HS3ST4: variants seen among roughly 807,000 people sequenced by gnomAD.
HS3ST4 encodes heparan sulfate glucosamine 3-O-sulfotransferase 4.
In HS3ST4, 17 loss-of-function variants were observed where a neutral mutation model predicts 29.2. That is an observed-to-expected ratio of 0.58 (90% confidence interval 0.40 to 0.87). The LOEUF is 0.87. HS3ST4 is among the 40% of genes least tolerant of loss of function. The pLI, the probability that HS3ST4 is intolerant of heterozygous loss-of-function variation, is 0.00. For missense variants in HS3ST4, 627 were observed against 634.5 expected (o/e 0.99, Z 0.13); for synonymous variants, 314 against 285.7 (o/e 1.10, Z -1.00).
chr16:25,910,108 G>A (rs1278708549), intron 1 of HS3ST4, among the ~76,000 whole-genome samples: 1 of 152,168 alleles, frequency 6.6e-6, no homozygotes, highest in African/African-American at 2.4e-5. Flanking sequence ...ATGTGATTCC[G>A]ACACTTGATT....
intron 1 of HS3ST4, among the ~76,000 whole-genome samples, chr16:25,996,255 C>A (rs1969158317): frequency 6.6e-6 from 1 of 152,148 alleles, no homozygotes; most frequent in Non-Finnish European, 1.5e-5. Flanking sequence ...AATGTGATTT[C>A]TATGTACCCT....
intron 1 of HS3ST4, among the ~76,000 whole-genome samples, chr16:25,823,731 A>C (rs929364175): frequency 1.3e-5 from 2 of 151,718 alleles, no homozygotes; most frequent in South Asian, 4.2e-4. Flanking sequence ...CAGCTAAGTT[A>C]TTTTGTATTT....
At chr16:25,879,907 C>T (rs77326414) in intron 1 of HS3ST4, among the ~76,000 whole-genome samples, 4,464 of 152,154 alleles carry the variant, frequency 0.029, 78 homozygotes, top group South Asian at 0.034. Context: ...GCTTGTGCAG[C>T]GAAACTCCCA....
intron 1 of HS3ST4, among the ~76,000 whole-genome samples, chr16:25,731,625 G>A (rs1966570532): frequency 6.6e-6 from 1 of 152,176 alleles, no homozygotes; most frequent in South Asian, 2.1e-4. Context: ...ACAGGTGTGA[G>A]CCACCACACT....
In HS3ST4 at chr16:25,943,152, C is replaced by A. The variant is rs186697054; in HGVS notation, c.735-192460C>A. Among the ~76,000 whole-genome samples the A allele has an allele frequency of 4.6e-3, 698 of 152,172 alleles. 2 individuals carry two copies. The highest frequency in any genetic ancestry group is 7.7e-3 in the Non-Finnish European group (527 of 68,020). Reference sequence around the variant, plus strand: ...TTATTATTTTATTTTTCTCACCAGCCACATTTTAAATGCTGAGATATTCTT... The same window carrying A: ...TTATTATTTTATTTTTCTCACCAGCAACATTTTAAATGCTGAGATATTCTT... On this transcript the variant is annotated intron_variant, in intron 1 of 1. Coordinates refer to ENST00000331351, the MANE Select transcript of HS3ST4 (RefSeq NM_006040.3).
At chr16:25,917,176 A>G (rs1968301330) in intron 1 of HS3ST4, among the ~76,000 whole-genome samples, 1 of 152,102 alleles carries the variant, frequency 6.6e-6, no homozygotes, top group South Asian at 2.1e-4. Context: ...TAGGGGCTTA[A>G]TAAGTATTCA....
chr16:26,018,832 GAA>G (rs10624019), intron 1 of HS3ST4, among the ~76,000 whole-genome samples: 11 of 136,608 alleles, frequency 8.1e-5, no homozygotes, highest in Admixed American at 3.0e-4. Context: ...CCTCCTCATG[GAA>G]AAAAAAAAAA....
intron 1 of HS3ST4, among the ~76,000 whole-genome samples, chr16:25,830,861 T>A (rs1967289489): frequency 1.3e-5 from 2 of 152,158 alleles, no homozygotes; most frequent in Non-Finnish European, 2.9e-5. Flanking sequence ...TTCTCATTTT[T>A]AATCCGTTCA....
At chr16:25,896,098 G>T (rs1293478629) in intron 1 of HS3ST4, among the ~76,000 whole-genome samples, 1 of 152,090 alleles carries the variant, frequency 6.6e-6, no homozygotes, top group Non-Finnish European at 1.5e-5. Flanking sequence ...TCTTCTTAAC[G>T]ATTCTCCTGG....
intron 1 of HS3ST4, among the ~76,000 whole-genome samples, chr16:26,012,616 TA>T (rs1596644296): frequency 6.6e-6 from 1 of 152,316 alleles, no homozygotes; most frequent in East Asian, 1.9e-4. Context: ...ATGAGACAGT[TA>T]AATGGTGTTT....
intron 1 of HS3ST4, among the ~76,000 whole-genome samples, chr16:26,102,705 G>C (rs1899003840): frequency 6.6e-6 from 1 of 152,114 alleles, no homozygotes; most frequent in Non-Finnish European, 1.5e-5. Context: ...TAGCTTATTT[G>C]CTCATGTTCT....
chr16:25,988,282 G>A (rs1048930556), intron 1 of HS3ST4, among the ~76,000 whole-genome samples: 2 of 152,122 alleles, frequency 1.3e-5, no homozygotes, highest in South Asian at 2.1e-4. Flanking sequence ...AAACATCTCC[G>A]GCTTCCTCCC....
chr16:25,908,976 G>T (rs535800905), intron 1 of HS3ST4, among the ~76,000 whole-genome samples: 1 of 152,148 alleles, frequency 6.6e-6, no homozygotes, highest in Admixed American at 6.5e-5. Context: ...GCTGTGCTGG[G>T]CACACAGCCT....
intron 1 of HS3ST4, among the ~76,000 whole-genome samples, chr16:25,947,661 C>T (rs187710376): frequency 9.2e-5 from 14 of 152,240 alleles, no homozygotes; most frequent in African/African-American, 3.4e-4. Context: ...AAAGCAAGCC[C>T]AGTGTCAGTG....
chr16:25,731,647 G>C (rs1966570676), intron 1 of HS3ST4, among the ~76,000 whole-genome samples: 1 of 152,116 alleles, frequency 6.6e-6, no homozygotes, highest in Non-Finnish European at 1.5e-5. Flanking sequence ...GACCTACAGA[G>C]ACACTCTTAT....
chr16:26,007,454 C>T (rs1335904793), intron 1 of HS3ST4, among the ~76,000 whole-genome samples: 1 of 152,168 alleles, frequency 6.6e-6, no homozygotes. Context: ...GCCTCAGTTT[C>T]CTTATCCATT....
chr16:25,814,188 A>G (rs2141629872), intron 1 of HS3ST4, among the ~76,000 whole-genome samples: 1 of 152,334 alleles, frequency 6.6e-6, no homozygotes, highest in East Asian at 1.9e-4. Flanking sequence ...CATTAAGTTG[A>G]ACACTGAACA....
intron 1 of HS3ST4, among the ~76,000 whole-genome samples, chr16:25,804,382 C>T (rs1966969793): frequency 6.6e-6 from 1 of 152,180 alleles, no homozygotes; most frequent in Non-Finnish European, 1.5e-5. Flanking sequence ...TTCAGCTCTT[C>T]ACCACCTTTA....
Position 26,134,691 on chromosome 16 carries a change from A to G in HS3ST4, c.735-921A>G, listed in dbSNP as rs1898257631. 2.6e-5 allele frequency among the ~76,000 whole-genome samples: 4 copies of G among 152,102 alleles called. No homozygotes were observed. In the South Asian group the frequency reaches 8.3e-4, roughly 32 times the overall value. On this transcript the variant is annotated intron_variant, in intron 1 of 1. Coordinates refer to ENST00000331351, the MANE Select transcript of HS3ST4 (RefSeq NM_006040.3). ...TAATAAGGCTCGAAGATATAATTCA[A>G]TTTGCTGAGGTCACAAAGCCTGTCT...
Sources: allele counts gnomAD v4.1 joint callset (sites outside exome capture counted in the v4.1 genomes callset), GRCh38; gene constraint gnomAD v4.1.1; transcripts MANE v1.5; gene names NCBI Gene and HGNC (gene_info 2026-07-23, HGNC 2026-07-21).